The following SYNE3 variants were observed in gnomAD, a reference collection of about 807,000 sequenced individuals.
SYNE3 encodes the protein spectrin repeat containing nuclear envelope family member 3.
SYNE3 carries 100 observed loss-of-function variants against 111.2 expected under a neutral mutation model. That is an observed-to-expected ratio of 0.90 (90% CI 0.77 to 1.06). SYNE3 has a LOEUF of 1.06. SYNE3 is among the 50% of genes least tolerant of loss of function. SYNE3 has a pLI of 0.00. For missense variants in SYNE3, 1,160 were observed against 1,240.3 expected (o/e 0.94, Z 0.97); for synonymous variants, 547 against 533.9 (o/e 1.02, Z -0.34).
intron 1 of SYNE3, among the ~76,000 whole-genome samples, chr14:95,507,716 C>G (rs1236595416): frequency 2.0e-5 from 3 of 152,236 alleles, no homozygotes; most frequent in African/African-American, 7.2e-5. Flanking sequence ...CAGGCCTGCT[C>G]GCTGCCTGGT....
At chr14:95,442,172 C>T (rs1468289358) in intron 11 of SYNE3, among the ~76,000 whole-genome samples, 1 of 152,176 alleles carries the variant, frequency 6.6e-6, no homozygotes, top group Non-Finnish European at 1.5e-5. Flanking sequence ...AGCGTTGTTC[C>T]CATTTCAGAA....
At chr14:95,481,277 TG>T (rs1889234872) in intron 1 of SYNE3, among the ~76,000 whole-genome samples, 1 of 152,150 alleles carries the variant, frequency 6.6e-6, no homozygotes, top group East Asian at 1.9e-4. Context: ...TCACCTACCG[TG>T]GGGCATCCAA....
At chr14:95,469,907 T>C (rs535058622) in intron 2 of SYNE3, among the ~76,000 whole-genome samples, 2 of 151,572 alleles carry the variant, frequency 1.3e-5, no homozygotes, top group South Asian at 2.1e-4. Flanking sequence ...ACGATGATGA[T>C]AATAGTATAG....
In SYNE3 at chr14:95,433,248, C is replaced by G; in HGVS notation, c.2688+12G>C. The G allele has an allele frequency of 1.2e-6, 2 of 1,612,816 alleles. No homozygotes were observed. The highest frequency in any genetic ancestry group is 1.7e-6 in the Non-Finnish European group (2 of 1,179,226). Reference sequence around the variant, plus strand: ...CCCTGGAATCTGGGACCTGCACATCCTTGGCACCTACCAGCAGGTGGCCAG... The same window carrying G: ...CCCTGGAATCTGGGACCTGCACATCGTTGGCACCTACCAGCAGGTGGCCAG... On this transcript the variant is annotated intron_variant, in intron 16 of 17. Coordinates refer to ENST00000682763, the MANE Select transcript of SYNE3 (RefSeq NM_152592.6).
chr14:95,434,929 C>G (rs566294846), intron 15 of SYNE3, among the ~76,000 whole-genome samples: 2 of 152,222 alleles, frequency 1.3e-5, no homozygotes, highest in African/African-American at 4.8e-5. Flanking sequence ...GCGGGGATTA[C>G]AGGCGTGAGC....
chr14:95,427,585 C>G (rs1885509297), intron 17 of SYNE3, among the ~76,000 whole-genome samples: 1 of 152,334 alleles, frequency 6.6e-6, no homozygotes, highest in South Asian at 2.1e-4. Flanking sequence ...CTCCCTCTCT[C>G]TCCCTCTCTC....
chr14:95,408,892 T>A lies in SYNE3; in HGVS notation c.*8934A>T. The A allele has an allele frequency of 2.9e-6, 1 of 348,122 alleles. No individual in the cohort carries two copies. Among genetic ancestry groups the A allele is most frequent in the East Asian group, 7.6e-5 (1 of 13,138 alleles). The allele number at this position is 348,122 out of a possible 1,614,324, so 21.6% of individuals were successfully genotyped here. A position where few individuals can be genotyped will look rare whatever the true frequency, so the allele number is the denominator to read the frequency against. On this transcript the variant is annotated 3_prime_UTR_variant, in exon 18 of 18. Coordinates refer to ENST00000682763, the MANE Select transcript of SYNE3 (RefSeq NM_152592.6). ...GCCTGCCCCCGCAAGGGCTGGCCTG[T>A]CCGTGCTTTTCCAGTGGGAAGGTAG...
chr14:95,512,533 A>G (rs1401036187), intron 1 of SYNE3, among the ~76,000 whole-genome samples: 30 of 144,340 alleles, frequency 2.1e-4, no homozygotes, highest in East Asian at 6.3e-4. Context: ...CAGCCTGGGC[A>G]ACAGAGTGAG....
chr14:95,423,330 CG>C (rs1352242673), intron 17 of SYNE3, among the ~76,000 whole-genome samples: 5 of 152,154 alleles, frequency 3.3e-5, no homozygotes, highest in Non-Finnish European at 7.4e-5. Flanking sequence ...CCTCTCCTCC[CG>C]CCACTTCCCT....
intron 8 of SYNE3, among the ~76,000 whole-genome samples, chr14:95,447,275 A>C (rs1886777510): frequency 6.6e-6 from 1 of 151,704 alleles, no homozygotes; most frequent in East Asian, 1.9e-4. Flanking sequence ...CTGGGACTAC[A>C]GGCGCCCACC....
chr14:95,440,036 A>C lies in SYNE3; in HGVS notation c.1951T>G (p.Cys651Gly). The C allele has an allele frequency of 6.2e-7, 1 of 1,609,976 alleles. No individual in the cohort carries two copies. The highest frequency in any genetic ancestry group is 8.5e-7 in the Non-Finnish European group (1 of 1,179,972). The stretch of plus-strand genomic sequence containing the variant: ...TCCAGCAGCTGGTGGCTGAAGGTGC[A>C]GTGCTCCTGCACACTCTGCCGACAC... ...DRCRQSVQEH[C>G]TFSHQLLELR... The change falls in exon 12 of 18, where the codon TGC becomes GGC. Residue 651 changes from cysteine to glycine, a missense_variant. Cys to Gly is a radical substitution (Grantham distance 159). Transcript: ENST00000682763.
intron 4 of SYNE3, among the ~76,000 whole-genome samples, chr14:95,461,204 G>T (rs771430153): frequency 1.3e-4 from 20 of 152,232 alleles, no homozygotes; most frequent in African/African-American, 4.8e-4. Context: ...TTATGCCTCT[G>T]CAAAGGGCTG....
intron 1 of SYNE3, chr14:95,516,098 C>G (rs965562254): frequency 2.6e-5 from 4 of 152,358 alleles, no homozygotes; most frequent in Non-Finnish European, 5.9e-5. Flanking sequence ...CTGAACGAAA[C>G]TGAGCATTCG....
At chr14:95,484,771 T>G (rs1889453861) in intron 1 of SYNE3, among the ~76,000 whole-genome samples, 1 of 152,252 alleles carries the variant, frequency 6.6e-6, no homozygotes, top group Admixed American at 6.5e-5. Flanking sequence ...GGATAAATAC[T>G]GTTTCATGAG....
Position 95,445,896 on chromosome 14 carries a change from T to C in SYNE3, c.1632+13A>G. The C allele has an allele frequency of 2.5e-6, 4 of 1,611,486 alleles. No individual in the cohort carries two copies. The highest frequency in any genetic ancestry group is 3.4e-6 in the Non-Finnish European group (4 of 1,178,342). ...CCAAGCCAAGTCCCGAGCAGATGCC[T>C]GGTGCTGCACACCTGCAGTTTGCTT... On this transcript the variant is annotated intron_variant, in intron 9 of 17. Transcript: ENST00000682763.
At position 95,409,340 on chromosome 14, in the gene SYNE3, C is replaced by T. The variant is rs1903373209; in HGVS notation, c.*8486G>A. 1 of 456,616 alleles carries T rather than the reference C, an allele frequency of 2.2e-6. No homozygotes were observed. The highest frequency in any genetic ancestry group is 2.0e-5 in the African/African-American group (1 of 50,066). The allele number at this position is 456,616 out of a possible 1,614,324, so 28.3% of individuals were successfully genotyped here. On this transcript the variant is annotated 3_prime_UTR_variant, in exon 18 of 18. Coordinates refer to ENST00000682763, the MANE Select transcript of SYNE3 (RefSeq NM_152592.6). ...GCAGGCGCTCGGGGTATGTTTTCTTCCCTCCCTTTCTCATCAGAACAGGAA... is the reference window on the plus strand; with the variant it reads ...GCAGGCGCTCGGGGTATGTTTTCTTTCCTCCCTTTCTCATCAGAACAGGAA...
intron 17 of SYNE3, among the ~76,000 whole-genome samples, chr14:95,428,006 C>T (rs910785): frequency 0.045 from 6,894 of 152,200 alleles, 227 homozygotes; most frequent in African/African-American, 0.086. Context: ...CATTATTTTA[C>T]AAACCGCTAA....
chr14:95,512,950 T>A (rs1289309978), intron 1 of SYNE3, among the ~76,000 whole-genome samples: 1 of 152,172 alleles, frequency 6.6e-6, no homozygotes, highest in East Asian at 1.9e-4. Context: ...TGGATCCCAC[T>A]GAGAGTGAAA....
At chr14:95,487,084 G>A (rs550634244) in intron 1 of SYNE3, among the ~76,000 whole-genome samples, 16 of 151,986 alleles carry the variant, frequency 1.1e-4, no homozygotes, top group Middle Eastern at 3.4e-3. Flanking sequence ...TGCCCCACCC[G>A]CCCCTCCGCA....
Sources: allele counts gnomAD v4.1 joint callset (sites outside exome capture counted in the v4.1 genomes callset), GRCh38; gene constraint gnomAD v4.1.1; transcripts MANE v1.5; gene names NCBI Gene and HGNC (gene_info 2026-07-23, HGNC 2026-07-21).